The following GTF2A1L variants were observed in gnomAD, a reference collection of about 807,000 sequenced individuals.
The protein encoded by GTF2A1L is TFIIA-alpha and beta-like factor.
A neutral mutation model predicts 49.7 loss-of-function variants in GTF2A1L; 48 were observed. That is an observed-to-expected ratio of 0.97 (90% CI 0.77 to 1.23). The LOEUF (loss-of-function observed/expected upper bound fraction) is 1.23, where lower values mean the gene tolerates loss of function less well. Ranked by LOEUF, GTF2A1L falls within the 50% of genes most tolerant of loss-of-function variation. GTF2A1L has a pLI of 0.00. For missense variants in GTF2A1L, 736 were observed against 564.8 expected (o/e 1.30, Z -3.07); for synonymous variants, 246 against 193.5 (o/e 1.27, Z -2.25).
chr2:48,646,534 A>T lies in GTF2A1L; in HGVS notation c.470A>T (p.Gln157Leu). The T allele has an allele frequency of 1.2e-6, 2 of 1,614,174 alleles. No homozygotes were observed. Among genetic ancestry groups the T allele is most frequent in the Non-Finnish European group, 1.7e-6 (2 of 1,180,036 alleles). ...RAGILQHPIQ[Q>L]VFQQLGQPSV... Reference sequence around the variant, plus strand: ...GGTATTCTTCAGCATCCAATTCAGCAAGTATTTCAACAGCTTGGCCAGCCT... The same window carrying T: ...GGTATTCTTCAGCATCCAATTCAGCTAGTATTTCAACAGCTTGGCCAGCCT... The change falls in exon 6 of 9, where the codon CAA (glutamine) becomes CTA (leucine). Residue 157 changes from glutamine to leucine, a missense_variant. Coordinates refer to ENST00000403751, the MANE Select transcript of GTF2A1L (RefSeq NM_006872.5).
intron 3 of GTF2A1L, among the ~76,000 whole-genome samples, chr2:48,634,911 G>C (rs964468452): frequency 1.3e-5 from 2 of 152,196 alleles, no homozygotes; most frequent in African/African-American, 2.4e-5. Flanking sequence ...TCCATCTACA[G>C]GTCCCCCAGT....
intron 4 of GTF2A1L, among the ~76,000 whole-genome samples, chr2:48,644,258 G>A (rs994403400): frequency 6.6e-6 from 1 of 152,124 alleles, no homozygotes; most frequent in Non-Finnish European, 1.5e-5. Flanking sequence ...ACTCTTTGAT[G>A]TTTATTCATC....
chr2:48,649,778 G>A (rs1330789846), intron 6 of GTF2A1L, among the ~76,000 whole-genome samples: 1 of 151,854 alleles, frequency 6.6e-6, no homozygotes, highest in Non-Finnish European at 1.5e-5. Flanking sequence ...TAAACTTCAG[G>A]CACCTTAATA....
intron 3 of GTF2A1L, 48 bp from the exon 4 acceptor site, chr2:48,642,354 A>T: frequency 6.8e-7 from 1 of 1,471,640 alleles, no homozygotes; most frequent in Non-Finnish European, 9.2e-7. Flanking sequence ...TGATTTTATT[A>T]AATTGGTAAA....
chr2:48,666,229 G>C (rs1464585748), intron 6 of GTF2A1L, among the ~76,000 whole-genome samples: 1 of 146,086 alleles, frequency 6.8e-6, no homozygotes, highest in Admixed American at 6.8e-5. Flanking sequence ...TTTTTGAGAT[G>C]GTGTCTCGCT....
At chr2:48,654,958 C>A (rs1221977145) in intron 6 of GTF2A1L, among the ~76,000 whole-genome samples, 6 of 152,034 alleles carry the variant, frequency 3.9e-5, no homozygotes, top group Non-Finnish European at 7.4e-5. Flanking sequence ...GTTCTTTTTT[C>A]CAAATTGTTT....
At chr2:48,651,992 C>T (rs1677878554) in intron 6 of GTF2A1L, among the ~76,000 whole-genome samples, 1 of 152,120 alleles carries the variant, frequency 6.6e-6, no homozygotes, top group Admixed American at 6.6e-5. Flanking sequence ...GTCAAATTAC[C>T]ACTTCAGAAG....
rs1675987533 is a variant in GTF2A1L, at chr2:48,621,307, A to T, written c.247+17A>T. The T allele has an allele frequency of 6.2e-7, 1 of 1,613,858 alleles. No individual in the cohort carries two copies. ...CGTCAACAGGTTGGATACCATTAGT[A>T]AATGAGTACTGTTAGTATCTTCAGA... On this transcript the variant is annotated intron_variant, in intron 3 of 8. Transcript: ENST00000403751.
At chr2:48,670,420 T>A (rs1405700840) in intron 7 of GTF2A1L, among the ~76,000 whole-genome samples, 1 of 152,152 alleles carries the variant, frequency 6.6e-6, no homozygotes, top group Non-Finnish European at 1.5e-5. Flanking sequence ...ATTTAAACTT[T>A]TAATCTTCAA....
intron 6 of GTF2A1L, among the ~76,000 whole-genome samples, chr2:48,656,526 A>AT (rs1202945184): frequency 6.6e-6 from 1 of 151,792 alleles, no homozygotes; most frequent in Non-Finnish European, 1.5e-5. Context: ...TCCTTTGCCC[A>AT]TTTTTTTAAA....
intron 3 of GTF2A1L, among the ~76,000 whole-genome samples, chr2:48,637,864 C>A (rs1008711093): frequency 6.6e-6 from 1 of 151,138 alleles, no homozygotes; most frequent in Non-Finnish European, 1.5e-5. Flanking sequence ...GAGAGAAGAT[C>A]CAAATAAACA....
intron 3 of GTF2A1L, among the ~76,000 whole-genome samples, chr2:48,631,602 T>G (rs1558708571): frequency 6.6e-6 from 1 of 152,176 alleles, no homozygotes; most frequent in Non-Finnish European, 1.5e-5. Flanking sequence ...TTTTTCCCCC[T>G]TAATGATCAC....
chr2:48,629,594 A>T (rs1404792962), intron 3 of GTF2A1L, among the ~76,000 whole-genome samples: 1 of 144,110 alleles, frequency 6.9e-6, no homozygotes, highest in Admixed American at 7.0e-5. Context: ...ATAATTAGAT[A>T]CTAGCATACA....
At chr2:48,641,451 A>G (rs1677193184) in intron 3 of GTF2A1L, among the ~76,000 whole-genome samples, 2 of 152,178 alleles carry the variant, frequency 1.3e-5, no homozygotes, top group African/African-American at 4.8e-5. Flanking sequence ...TCAGGAACAG[A>G]TCTTTGGGGC....
chr2:48,631,924 C>A lies in GTF2A1L; in HGVS notation c.248-10478C>A, dbSNP rs76957543. Among the ~76,000 whole-genome samples the A allele has an allele frequency of 7.2e-3, 1,095 of 152,274 alleles. 7 individuals are homozygous for A. The highest frequency in any genetic ancestry group is 0.025 in the African/African-American group (1,058 of 41,548). On this transcript the variant is annotated intron_variant, in intron 3 of 8. Coordinates refer to ENST00000403751, the MANE Select transcript of GTF2A1L (RefSeq NM_006872.5). ...TTAACTTTGTTGTTTACCCAAAAGT[C>A]ATTCAGGAGCAAGTTTTAAAATTTC... is the stretch of plus-strand genomic sequence containing the variant.
intron 6 of GTF2A1L, among the ~76,000 whole-genome samples, chr2:48,662,003 T>C (rs1355494686): frequency 6.6e-6 from 1 of 152,220 alleles, no homozygotes; most frequent in African/African-American, 2.4e-5. Flanking sequence ...TTGTGTTTAA[T>C]TGATTTTTGG....
At chr2:48,647,584 G>GT (rs921393360) in intron 6 of GTF2A1L, among the ~76,000 whole-genome samples, 16 of 149,064 alleles carry the variant, frequency 1.1e-4, no homozygotes, top group East Asian at 2.0e-4. Flanking sequence ...AGCCCACAAA[G>GT]TTTTTTTTTT....
intron 6 of GTF2A1L, among the ~76,000 whole-genome samples, chr2:48,665,632 A>G (rs58204897): frequency 0.047 from 7,108 of 152,098 alleles, 549 homozygotes; most frequent in African/African-American, 0.16. Context: ...GATTTTCCAG[A>G]TATCTTTCTG....
chr2:48,637,038 C>T (rs555218587), intron 3 of GTF2A1L, among the ~76,000 whole-genome samples: 1 of 152,232 alleles, frequency 6.6e-6, no homozygotes, highest in East Asian at 1.9e-4. Flanking sequence ...AACTGTATGT[C>T]CGATTGTTCT....
Sources: gnomAD v4.1 joint callset for allele counts (sites outside exome capture counted in the v4.1 genomes callset) on GRCh38, gnomAD v4.1.1 for gene constraint, MANE v1.5 for transcripts, NCBI Gene and HGNC (gene_info 2026-07-23, HGNC 2026-07-21) for gene names.